The following PREX1 variants were observed in gnomAD, a reference collection of about 807,000 sequenced individuals.
PREX1 encodes the protein phosphatidylinositol 3,4,5-trisphosphate-dependent Rac exchanger 1 protein.
A neutral mutation model predicts 198.3 loss-of-function variants in PREX1; 41 were observed. That is an observed-to-expected ratio of 0.21 (90% CI 0.16 to 0.27). PREX1 has a LOEUF of 0.27. Among genes scored for constraint, PREX1 ranks in the 10% least tolerant of loss-of-function variants. The pLI, the probability that PREX1 is intolerant of heterozygous loss-of-function variation, is 1.00. For synonymous variants in PREX1, 843 were observed against 887.2 expected, an observed-to-expected ratio of 0.95 and a Z score of 0.89; for missense variants, 1,620 against 2,200.7, an observed-to-expected ratio of 0.74 and a Z score of 5.28.
chr20:48,686,361 T>G (rs1460086038), intron 10 of PREX1, among the ~76,000 whole-genome samples: 1 of 152,186 alleles, frequency 6.6e-6, no homozygotes, highest in East Asian at 1.9e-4. Flanking sequence ...TTTATCAGAA[T>G]AATCTCCTGC....
At chr20:48,734,117 T>A (rs1343447376) in intron 4 of PREX1, among the ~76,000 whole-genome samples, 4 of 152,194 alleles carry the variant, frequency 2.6e-5, no homozygotes, top group Non-Finnish European at 5.9e-5. Context: ...ATACTAGTAA[T>A]CCTAATAACC....
chr20:48,838,385 A>G, the PREX1 span, among the ~76,000 whole-genome samples: 1 of 152,216 alleles, frequency 6.6e-6, no homozygotes, highest in East Asian at 1.9e-4. Context: ...CATTCTGTTC[A>G]TCTAAACTAC....
At chr20:48,866,397 G>A in the PREX1 span, among the ~76,000 whole-genome samples, 5 of 152,138 alleles carry the variant, frequency 3.3e-5, no homozygotes, top group African/African-American at 1.2e-4. Context: ...CATTGTCTGG[G>A]AAACTGTTAG....
rs933369681 is a variant in PREX1 at position 48,687,808 on chromosome 20, G to A, written c.1334+849C>T. On this transcript the variant is annotated intron_variant, in intron 10 of 39. Transcript: ENST00000371941. ...CAGCCCTCTCCCTCAGGTGACCTGC[G>A]TGTAAGAGCCAGCCTGTCACACCTG... Among the ~76,000 whole-genome samples the A allele has an allele frequency of 5.3e-5, 8 of 152,222 alleles. No homozygotes were observed. The East Asian group carries it at 5.8e-4, about 11-fold the overall frequency.
Position 48,827,739 on chromosome 20 carries a change from C to T in PREX1, c.122G>A (p.Arg41Gln). The T allele has an allele frequency of 2.3e-6, 3 of 1,300,164 alleles. No individual in the cohort carries two copies. The highest frequency in any genetic ancestry group is 3.0e-6 in the Non-Finnish European group (3 of 1,009,006). The allele number at this position is 1,300,164 out of a possible 1,614,324, so 80.5% of individuals were successfully genotyped here. ...GAGGCGCAGCTGGCGCTCGGACTCC[C>T]GGGCGGCCGCGCACGGGCCGGGGCC... ...SSGPGPCAAA[R>Q]ESERQLRLRL... The change falls in exon 1 of 40, where the codon CGG becomes CAG. Residue 41 changes from arginine (R) to glutamine (Q), a missense_variant. Arg to Gln is a conservative substitution (Grantham distance 43, BLOSUM62 1). Coordinates refer to ENST00000371941, the MANE Select transcript of PREX1 (RefSeq NM_020820.4). This position sits in a 1 kb window ranked among gnomAD's most constrained non-coding sequence, Gnocchi z 4.1.
Position 48,641,846 on chromosome 20 carries a change from GGAAGGA to G in PREX1, c.3775+316_3775+321del, listed in dbSNP as rs2089414286. 9.7e-3 allele frequency among the ~76,000 whole-genome samples: 172 copies of G among 17,744 alleles called. 1 individual carries two copies. Among genetic ancestry groups the G allele is most frequent in the African/African-American group, 0.017 (85 of 4,956 alleles). The allele number at this position is 17,744 out of a possible 152,430, so 11.6% of individuals were successfully genotyped here. A position where few individuals can be genotyped will look rare whatever the true frequency, so the allele number is the denominator to read the frequency against. On this transcript the variant is annotated intron_variant, in intron 29 of 39. Transcript: ENST00000371941. ...AGAAAGAGAGAGAGAGAGAGAGGAAGGAAGGAAGGAAGGAAGGAAGGAAGGAAGGAA... is the reference window on the plus strand; with the variant it reads ...AGAAAGAGAGAGAGAGAGAGAGGAAGAGGAAGGAAGGAAGGAAGGAAGGAA...
At chr20:48,718,316 G>T (rs1406942587) in intron 5 of PREX1, among the ~76,000 whole-genome samples, 1 of 152,168 alleles carries the variant, frequency 6.6e-6, no homozygotes. Flanking sequence ...GGTGAGAGAT[G>T]GTGGTGATTG....
chr20:48,871,907 C>G, the PREX1 span, among the ~76,000 whole-genome samples: 2 of 152,008 alleles, frequency 1.3e-5, no homozygotes, highest in Non-Finnish European at 2.9e-5. Flanking sequence ...CGCCTGTAAT[C>G]CCAGCACTTT....
chr20:48,826,793 A>G (rs2090510880), intron 1 of PREX1, among the ~76,000 whole-genome samples: 1 of 152,150 alleles, frequency 6.6e-6, no homozygotes, highest in African/African-American at 2.4e-5. Flanking sequence ...CGGGAGGCGG[A>G]GGTTGCAGTG....
chr20:48,872,509 C>T, the PREX1 span, among the ~76,000 whole-genome samples: 7 of 152,022 alleles, frequency 4.6e-5, no homozygotes, highest in East Asian at 9.7e-4. Context: ...TTGGGGAGGC[C>T]GAGGCAGGCA....
At chr20:48,630,328 C>T (rs934488451) in intron 36 of PREX1, among the ~76,000 whole-genome samples, 2 of 152,216 alleles carry the variant, frequency 1.3e-5, no homozygotes, top group Non-Finnish European at 2.9e-5. Context: ...GCCAGATCTT[C>T]CCATTCCTCC....
Position 48,733,761 on chromosome 20 carries a change from T to G in PREX1, c.519+785A>C, listed in dbSNP as rs113546037. Among the ~76,000 whole-genome samples, 542 of 150,128 alleles carry G rather than the reference T, an allele frequency of 3.6e-3. 4 individuals carry two copies. The highest frequency in any genetic ancestry group is 0.012 in the African/African-American group (478 of 40,526). On this transcript the variant is annotated intron_variant, in intron 4 of 39. Transcript: ENST00000371941. ...AGTTTTTGGGTTTTTTTGTTTTTTG[T>G]TTTTTTTGAGGCCGAGTCTCATTCT... is the stretch of plus-strand genomic sequence containing the variant.
intron 1 of PREX1, among the ~76,000 whole-genome samples, chr20:48,790,438 G>C (rs1440537466): frequency 1.3e-5 from 2 of 152,032 alleles, no homozygotes; most frequent in Non-Finnish European, 2.9e-5. Flanking sequence ...CAAGGAAAAA[G>C]GAGGGTGGAG....
intron 1 of PREX1, among the ~76,000 whole-genome samples, chr20:48,801,503 C>T (rs1310407214): frequency 6.6e-6 from 1 of 152,192 alleles, no homozygotes; most frequent in Admixed American, 6.5e-5. Context: ...AGAGCACCAT[C>T]CTCCAGTAGG....
intron 1 of PREX1, among the ~76,000 whole-genome samples, chr20:48,809,262 T>C (rs2145837): frequency 0.18 from 27,238 of 152,234 alleles, 2,618 homozygotes; most frequent in Middle Eastern, 0.29. Flanking sequence ...AAGCAGGCCA[T>C]GGGCCAACGG....
intron 2 of PREX1, among the ~76,000 whole-genome samples, chr20:48,746,388 C>A (rs981038859): frequency 1.3e-5 from 2 of 152,152 alleles, no homozygotes; most frequent in Non-Finnish European, 2.9e-5. Context: ...CTAAAATATC[C>A]ATCCACAGGA....
Position 48,649,187 on chromosome 20 carries a change from TCCAGGACAGCCCACCCC to T in PREX1, c.3305+96_3305+112del, listed in dbSNP as rs373158438. The T allele has an allele frequency of 1.6e-4, 236 of 1,432,890 alleles. No individual in the cohort carries two copies. The African/African-American group carries it at 2.8e-3, about 17-fold the overall frequency. 88.8% of individuals were successfully genotyped at this position (1,432,890 alleles called of 1,614,324 possible). A position where few individuals can be genotyped will look rare whatever the true frequency, so the allele number is the denominator to read the frequency against. ...AGATACTGCTAAATAGCCTATAATGTCCAGGACAGCCCACCCCCCACTACAAAGAATGATGCTACCCA... is the reference window on the plus strand; with the variant it reads ...AGATACTGCTAAATAGCCTATAATGTCCACTACAAAGAATGATGCTACCCA... On this transcript the variant is annotated intron_variant, in intron 25 of 39. Coordinates refer to ENST00000371941, the MANE Select transcript of PREX1 (RefSeq NM_020820.4).
chr20:48,627,396 T>G, intron 39 of PREX1, 152 bp downstream of exon 39: 7 of 832,038 alleles, frequency 8.4e-6, no homozygotes, highest in Non-Finnish European at 1.3e-5. Context: ...GGTGACAAAG[T>G]TGTGTCTGTT....
intron 1 of PREX1, among the ~76,000 whole-genome samples, chr20:48,766,550 G>A (rs773035757): frequency 2.0e-5 from 3 of 152,094 alleles, no homozygotes; most frequent in Non-Finnish European, 4.4e-5. Context: ...CTCAGCACAG[G>A]TGCTCCCTCC....
Sources: allele counts gnomAD v4.1 joint callset (sites outside exome capture counted in the v4.1 genomes callset), GRCh38; gene constraint gnomAD v4.1.1; non-coding constraint Gnocchi (gnomAD v3.1); transcripts MANE v1.5; gene names NCBI Gene and HGNC (gene_info 2026-07-23, HGNC 2026-07-21).